MAGI2: variants seen among roughly 807,000 people sequenced by gnomAD.
MAGI2 encodes the protein membrane associated guanylate kinase, WW and PDZ domain containing 2.
Under a neutral mutation model 133.3 loss-of-function variants are expected in MAGI2, and 35 were observed. The observed-to-expected ratio is 0.26, with a 90% CI of 0.20 to 0.35. The LOEUF is 0.35. Ranked by LOEUF, MAGI2 falls within the 10% of genes least tolerant of loss-of-function variation. The pLI, the probability that MAGI2 is intolerant of heterozygous loss-of-function variation, is 1.00. For synonymous variants in MAGI2, 729 were observed against 710.6 expected (o/e 1.03, Z -0.41); for missense variants, 1,636 against 1,863.4 (o/e 0.88, Z 2.25).
chr7:79,112,763 T>C (rs1819036138), intron 1 of MAGI2, among the ~76,000 whole-genome samples: 1 of 152,222 alleles, frequency 6.6e-6, no homozygotes. Context: ...ATTTGCATGA[T>C]AGTGCAGGAT....
intron 9 of MAGI2, among the ~76,000 whole-genome samples, chr7:78,277,931 G>A (rs1171715403): frequency 6.6e-6 from 1 of 152,094 alleles, no homozygotes; most frequent in African/African-American, 2.4e-5. Flanking sequence ...CAAAGAGGAG[G>A]AGGAATTGGG....
intron 2 of MAGI2, among the ~76,000 whole-genome samples, chr7:78,829,856 G>T (rs745394103): frequency 6.6e-6 from 1 of 151,996 alleles, no homozygotes; most frequent in African/African-American, 2.4e-5. Context: ...TATCCAAAGT[G>T]TTAACTGGGC....
intron 9 of MAGI2, among the ~76,000 whole-genome samples, chr7:78,341,232 T>C (rs1401167435): frequency 6.6e-6 from 1 of 151,952 alleles, no homozygotes; most frequent in Non-Finnish European, 1.5e-5. Context: ...GAGAATAAAA[T>C]ACTAGGAATA....
intron 1 of MAGI2, among the ~76,000 whole-genome samples, chr7:79,434,466 C>A (rs551128488): frequency 6.6e-6 from 1 of 152,128 alleles, no homozygotes; most frequent in East Asian, 1.9e-4. Flanking sequence ...GAGTTATGAG[C>A]AAAAATGCAT....
chr7:79,122,249 G>C (rs1026197096), intron 1 of MAGI2, among the ~76,000 whole-genome samples: 2 of 152,098 alleles, frequency 1.3e-5, no homozygotes, highest in African/African-American at 4.8e-5. Context: ...AATATGGAAC[G>C]ACCCAGAGCC....
At chr7:78,726,959 C>A (rs1295334097) in intron 2 of MAGI2, among the ~76,000 whole-genome samples, 3 of 150,586 alleles carry the variant, frequency 2.0e-5, no homozygotes, top group African/African-American at 7.3e-5. Context: ...TTTAAAATAA[C>A]TCCATTATCT....
chr7:79,271,274 C>T (rs1055470987), intron 1 of MAGI2, among the ~76,000 whole-genome samples: 1 of 152,120 alleles, frequency 6.6e-6, no homozygotes, highest in Non-Finnish European at 1.5e-5. Flanking sequence ...ATGTCAACTT[C>T]ATCTCCCCTC....
At chr7:78,224,374 CTCT>C (rs1789142479) in intron 10 of MAGI2, among the ~76,000 whole-genome samples, 1 of 152,112 alleles carries the variant, frequency 6.6e-6, no homozygotes, top group Non-Finnish European at 1.5e-5. Context: ...GTTATAAGTG[CTCT>C]TTTTTTGACC....
At chr7:78,133,817 T>C (rs1821810219) in intron 17 of MAGI2, among the ~76,000 whole-genome samples, 1 of 152,218 alleles carries the variant, frequency 6.6e-6, no homozygotes, top group Non-Finnish European at 1.5e-5. Flanking sequence ...TAGTAGGTTA[T>C]AAAGCAGCAT....
At chr7:78,073,081 T>G (rs999318767) in intron 21 of MAGI2, 2 of 396,902 alleles carry the variant, frequency 5.0e-6, no homozygotes, top group Non-Finnish European at 8.9e-6. Context: ...AACTTACTGA[T>G]TAAAGGAAGA....
intron 1 of MAGI2, among the ~76,000 whole-genome samples, chr7:79,104,724 A>T (rs1007184561): frequency 1.3e-5 from 2 of 152,134 alleles, no homozygotes; most frequent in African/African-American, 4.8e-5. Flanking sequence ...AGAAAAGAAA[A>T]AAAGGCTAGG....
intron 1 of MAGI2, among the ~76,000 whole-genome samples, chr7:79,393,791 C>T (rs140048759): frequency 1.3e-5 from 2 of 152,142 alleles, no homozygotes; most frequent in East Asian, 3.9e-4. Context: ...AGTATTTTAC[C>T]TGGCCACATT....
chr7:79,269,487 A>G (rs2129557088), intron 1 of MAGI2, among the ~76,000 whole-genome samples: 1 of 152,320 alleles, frequency 6.6e-6, no homozygotes, highest in South Asian at 2.1e-4. Context: ...ATGTTTGGAA[A>G]AAATAAAAAT....
rs188521917 is a variant in MAGI2, at chr7:78,144,494, C to T, written c.2846-9288G>A. Among the ~76,000 whole-genome samples, 13 of 152,214 alleles carry T rather than the reference C, an allele frequency of 8.5e-5. No homozygotes were observed. The East Asian group carries it at 1.5e-3, about 18-fold the overall frequency. On this transcript the variant is annotated intron_variant, in intron 16 of 21. Coordinates refer to ENST00000354212, the MANE Select transcript of MAGI2 (RefSeq NM_012301.4). ...ACTATGTAAATCTTGTTCACTGAAG[C>T]GTTTATGATTTCATTTATTTTCTTG...
chr7:79,219,307 C>T (rs1490632859), intron 1 of MAGI2, among the ~76,000 whole-genome samples: 1 of 151,688 alleles, frequency 6.6e-6, no homozygotes, highest in Admixed American at 6.6e-5. Context: ...ATTTTTTTTC[C>T]TTACAGGAAA....
At chr7:78,513,313 GA>G (rs1795763615) in intron 4 of MAGI2, among the ~76,000 whole-genome samples, 2 of 152,014 alleles carry the variant, frequency 1.3e-5, no homozygotes, top group Admixed American at 1.3e-4. Context: ...AGTCAAACGG[GA>G]AAAAACATCA....
intron 1 of MAGI2, among the ~76,000 whole-genome samples, chr7:79,277,743 C>G (rs1456438757): frequency 6.6e-6 from 1 of 152,150 alleles, no homozygotes; most frequent in African/African-American, 2.4e-5. Context: ...TTTCTTAGAG[C>G]ATTTTCTTTA....
At chr7:79,315,926 C>A (rs745321034) in intron 1 of MAGI2, among the ~76,000 whole-genome samples, 1 of 152,090 alleles carries the variant, frequency 6.6e-6, no homozygotes, top group Non-Finnish European at 1.5e-5. Context: ...TTGGACCATT[C>A]CAGTGTAGGA....
chr7:79,198,895 A>T (rs1325600487), intron 1 of MAGI2, among the ~76,000 whole-genome samples: 2 of 152,012 alleles, frequency 1.3e-5, no homozygotes, highest in South Asian at 2.1e-4. Flanking sequence ...CTCAAAAAAT[A>T]AATAAATAGT....
Sources: allele counts gnomAD v4.1 joint callset (sites outside exome capture counted in the v4.1 genomes callset), GRCh38; gene constraint gnomAD v4.1.1; transcripts MANE v1.5; gene names NCBI Gene and HGNC (gene_info 2026-07-23, HGNC 2026-07-21).